The following SENP1 variants were observed in gnomAD, a reference collection of about 807,000 sequenced individuals.
SENP1 encodes sentrin-specific protease 1.
In SENP1, 21 loss-of-function variants were observed where a neutral mutation model predicts 93.0. The ratio of observed to expected loss-of-function variants is 0.23; its 90% CI spans 0.16 to 0.33. The LOEUF is 0.33. SENP1 is among the 10% of genes least tolerant of loss of function. The pLI, the probability that SENP1 is intolerant of heterozygous loss-of-function variation, is 1.00. For synonymous variants in SENP1, 256 were observed against 259.6 expected, an observed-to-expected ratio of 0.99 and a Z score of 0.13; for missense variants, 591 against 758.7, an observed-to-expected ratio of 0.78 and a Z score of 2.60.
In SENP1 at chr12:48,074,767, A is replaced by G; in HGVS notation, c.579T>C (p.Ile193=). 1 of 1,612,334 alleles carries G rather than the reference A, an allele frequency of 6.2e-7. No individual in the cohort carries two copies. The highest frequency in any genetic ancestry group is 1.1e-5 in the South Asian group (1 of 90,734). Residue 193 remains isoleucine, a synonymous_variant, in exon 7 of 18, where the codon ATT becomes ATC. Transcript: ENST00000549518. ...TGACCATCTGTAGCAGCTGTCTGTA[A>G]ATCTCTCTTTCTTCTTCTTGAACTG... is the stretch of plus-strand genomic sequence containing the variant. ...EETVQEEERE[I]YRQLLQMVTG...
chr12:48,103,737 A>G (rs1946123293), intron 1 of SENP1, among the ~76,000 whole-genome samples: 1 of 152,246 alleles, frequency 6.6e-6, no homozygotes, highest in Non-Finnish European at 1.5e-5. Flanking sequence ...CTGAAAGAAC[A>G]TAAGCTGTTA....
intron 13 of SENP1, among the ~76,000 whole-genome samples, chr12:48,052,862 A>G (rs1444352684): frequency 6.6e-6 from 1 of 152,236 alleles, no homozygotes; most frequent in African/African-American, 2.4e-5. Context: ...TGTGGAAGCC[A>G]AAGAGTCACG....
intron 6 of SENP1, among the ~76,000 whole-genome samples, chr12:48,077,544 C>A (rs1465358596): frequency 2.0e-5 from 3 of 152,076 alleles, no homozygotes; most frequent in Non-Finnish European, 4.4e-5. Flanking sequence ...AGTCCTAGCA[C>A]CTTTGTCAAA....
Position 48,065,577 on chromosome 12 carries a change from T to C in SENP1, c.1119+19A>G, listed in dbSNP as rs1418457776. ...GATGTACTATTTATTTGTAATATTA[T>C]TCCAATTTTCTTTTTTACCTGGTTT... On this transcript the variant is annotated intron_variant, in intron 11 of 17. Coordinates refer to ENST00000549518, the MANE Select transcript of SENP1 (RefSeq NM_001267594.2). 6.8e-7 allele frequency: 1 copy of C among 1,476,812 alleles called. No homozygotes were observed. Among genetic ancestry groups the C allele is most frequent in the Non-Finnish European group, 9.2e-7 (1 of 1,083,822 alleles). 91.5% of individuals were successfully genotyped at this position (1,476,812 alleles called of 1,614,324 possible). A position where few individuals can be genotyped will look rare whatever the true frequency, so the allele number is the denominator to read the frequency against.
intron 2 of SENP1, among the ~76,000 whole-genome samples, chr12:48,099,310 A>C (rs1945766854): frequency 6.6e-6 from 1 of 152,120 alleles, no homozygotes; most frequent in African/African-American, 2.4e-5. Context: ...CCTGGGTGAC[A>C]GAGTGAGACC....
At chr12:48,061,394 A>G (rs1404086779) in intron 13 of SENP1, among the ~76,000 whole-genome samples, 1 of 152,312 alleles carries the variant, frequency 6.6e-6, no homozygotes, top group East Asian at 1.9e-4. Context: ...TTCACAACTG[A>G]GAAACAGAAT....
chr12:48,088,711 TA>T, intron 5 of SENP1, 89 bp downstream of exon 5: 1 of 1,263,126 alleles, frequency 7.9e-7, no homozygotes, highest in East Asian at 2.5e-5. Context: ...GTTACTCTTT[TA>T]AAATCCCAAT....
chr12:48,044,044 C>T lies in SENP1; in HGVS notation c.*1278G>A, dbSNP rs1941178047. Reference sequence around the variant, plus strand: ...CTTCACTATCTAAGCCTGAGGAGCTCTCAGAGGGTGGGGAGAGATGCTAGA... The same window carrying T: ...CTTCACTATCTAAGCCTGAGGAGCTTTCAGAGGGTGGGGAGAGATGCTAGA... On this transcript the variant is annotated 3_prime_UTR_variant, in exon 18 of 18. Transcript: ENST00000549518. 1 of 152,308 alleles carries T rather than the reference C, an allele frequency of 6.6e-6. No homozygotes were observed. Among genetic ancestry groups the T allele is most frequent in the African/African-American group, 2.4e-5 (1 of 41,414 alleles). 9.4% of individuals were successfully genotyped at this position (152,308 alleles called of 1,614,324 possible). A position where few individuals can be genotyped will look rare whatever the true frequency, so the allele number is the denominator to read the frequency against.
chr12:48,070,079 T>G (rs1222422835), intron 9 of SENP1, among the ~76,000 whole-genome samples: 1 of 152,186 alleles, frequency 6.6e-6, no homozygotes, highest in Admixed American at 6.5e-5. Flanking sequence ...TACCTCCAGA[T>G]AAGTAAAGTT....
intron 6 of SENP1, among the ~76,000 whole-genome samples, chr12:48,081,982 G>A (rs967770254): frequency 6.6e-6 from 1 of 152,032 alleles, no homozygotes; most frequent in African/African-American, 2.4e-5. Context: ...TCTGCCTCCT[G>A]GGTTCACGCC....
At chr12:48,092,137 G>C (rs1402890923) in intron 4 of SENP1, among the ~76,000 whole-genome samples, 1 of 152,134 alleles carries the variant, frequency 6.6e-6, no homozygotes, top group Non-Finnish European at 1.5e-5. Context: ...CCAGATCCTA[G>C]ATCCTAAAGT....
Position 48,046,359 on chromosome 12 carries a change from T to C in SENP1, c.1869A>G (p.Thr623=), listed in dbSNP as rs531036553. The change falls in exon 17 of 18, where the codon ACA becomes ACG. Residue 623 remains threonine, a synonymous_variant. Transcript: ENST00000549518. ...CITKDRPINF[T]QQHMPYFRKR... is the part of the protein sequence containing the mutation. ...CCCTATGGAAGGCTCAGCTCACCTG[T>C]GTGAAGTTGATTGGTCTGTCTTTGG... 3.7e-6 allele frequency: 6 copies of C among 1,609,216 alleles called. No homozygotes were observed. In the East Asian group the frequency reaches 1.1e-4, roughly 30 times the overall value.
chr12:48,050,412 C>A (rs562551699), intron 13 of SENP1, among the ~76,000 whole-genome samples: 1 of 152,136 alleles, frequency 6.6e-6, no homozygotes, highest in East Asian at 1.9e-4. Context: ...TAGGCAGCTG[C>A]GGGAAAACCA....
At chr12:48,046,785 C>G (rs1941401694) in intron 16 of SENP1, among the ~76,000 whole-genome samples, 193 bp downstream of exon 16, 1 of 152,026 alleles carries the variant, frequency 6.6e-6, no homozygotes, top group South Asian at 2.1e-4. Flanking sequence ...TTTAGAAAAC[C>G]TAGTTCTACA....
chr12:48,043,024 A>T lies in SENP1; in HGVS notation c.*2298T>A, dbSNP rs1941096499. On this transcript the variant is annotated 3_prime_UTR_variant, in exon 18 of 18. Transcript: ENST00000549518. ...TGGTCATCAAAGCCTACCCCTAAAC[A>T]AAGGGGAAAGTTTCCAGATACTACT... 2 of 152,226 alleles carry T rather than the reference A, an allele frequency of 1.3e-5. No individual in the cohort carries two copies. The highest frequency in any genetic ancestry group is 2.4e-5 in the African/African-American group (1 of 41,404). The allele number at this position is 152,226 out of a possible 1,614,324, so 9.4% of individuals were successfully genotyped here. A position where few individuals can be genotyped will look rare whatever the true frequency, so the allele number is the denominator to read the frequency against.
At chr12:48,087,746 C>A (rs1944978756) in intron 5 of SENP1, among the ~76,000 whole-genome samples, 1 of 152,126 alleles carries the variant, frequency 6.6e-6, no homozygotes. Flanking sequence ...TTGACACATT[C>A]CTGGAGTCCA....
chr12:48,101,062 G>A (rs947826021), intron 2 of SENP1, among the ~76,000 whole-genome samples: 1 of 152,150 alleles, frequency 6.6e-6, no homozygotes, highest in East Asian at 1.9e-4. Context: ...GAGGTGGGCC[G>A]ATCACCTGAG....
chr12:48,068,760 C>T (rs543330464), intron 9 of SENP1, among the ~76,000 whole-genome samples: 1 of 151,656 alleles, frequency 6.6e-6, no homozygotes, highest in Non-Finnish European at 1.5e-5. Flanking sequence ...GTATTAGTAA[C>T]AAACAAGGTA....
In SENP1 at chr12:48,057,114, A is replaced by AT. The variant is rs1299073240; in HGVS notation, c.1407+6595dup. ...CATATATAAATATATTATTTAATAT[A>AT]TTATATATTACATATATAAATATAT... On this transcript the variant is annotated intron_variant, in intron 13 of 17. Transcript: ENST00000549518. Among the ~76,000 whole-genome samples the AT allele has an allele frequency of 1.2e-4, 11 of 93,754 alleles. 5 individuals carry two copies. The South Asian group carries it at 2.3e-3, about 19-fold the overall frequency. The allele number at this position is 93,754 out of a possible 152,430, so 61.5% of individuals were successfully genotyped here.
Sources: gnomAD v4.1 joint callset for allele counts (sites outside exome capture counted in the v4.1 genomes callset) on GRCh38, gnomAD v4.1.1 for gene constraint, MANE v1.5 for transcripts, NCBI Gene and HGNC (gene_info 2026-07-23, HGNC 2026-07-21) for gene names.